The following POU2F2 variants were observed in gnomAD, a reference collection of about 807,000 sequenced individuals.
POU2F2 encodes POU domain, class 2, transcription factor 2.
POU2F2 carries 14 observed loss-of-function variants against 63.5 expected under a neutral mutation model. The ratio of observed to expected loss-of-function variants is 0.22; its 90% CI spans 0.15 to 0.34. The LOEUF (loss-of-function observed/expected upper bound fraction) is 0.34, where lower values mean the gene tolerates loss of function less well. Ranked by LOEUF, POU2F2 falls within the 10% of genes least tolerant of loss-of-function variation. The probability of loss-of-function intolerance (pLI) is 1.00; values close to 1 mark genes in which losing one functional copy is unlikely to be tolerated. For synonymous variants in POU2F2, 306 were observed against 348.6 expected (o/e 0.88, Z 1.36); for missense variants, 607 against 815.2 (o/e 0.74, Z 3.11).
At chr19:42,184,089 C>T (rs982976105) in intron 1 of POU2F2, among the ~76,000 whole-genome samples, 20 of 151,420 alleles carry the variant, frequency 1.3e-4, no homozygotes, top group African/African-American at 4.9e-4. Flanking sequence ...TCACTGCCAC[C>T]TCGACCTTCT....
intron 1 of POU2F2, among the ~76,000 whole-genome samples, chr19:42,167,407 T>C (rs1274284007): frequency 6.6e-6 from 1 of 151,688 alleles, no homozygotes; most frequent in African/African-American, 2.4e-5. Context: ...TGGGCTGAGA[T>C]TGCACCACTG....
At position 42,091,428 on chromosome 19, in the gene POU2F2, G is replaced by A. The variant is rs538494472; in HGVS notation, c.1704C>T (p.Gly568=). Residue 568 remains glycine (G), a synonymous_variant, in exon 15 of 15, where the codon GGC becomes GGT. Transcript: ENST00000692977. ...CAGCCGCAGCCGCTGCTGAGACCAG[G>A]CCCACACCAGGCGGGGTGCTGAGCA... ...LPLLSTPPGV[G]LVSAAAAAVA... is the part of the protein sequence containing the mutation. The A allele has an allele frequency of 2.6e-6, 4 of 1,550,016 alleles. No individual in the cohort carries two copies. The East Asian group carries it at 7.3e-5, about 28-fold the overall frequency.
intron 2 of POU2F2, 44 bp from the exon 3 acceptor site, chr19:42,122,422 C>T: frequency 1.9e-6 from 3 of 1,611,932 alleles, no homozygotes; most frequent in Non-Finnish European, 1.7e-6. Flanking sequence ...GCCACCCCCA[C>T]CACACCTGTC....
chr19:42,174,150 A>T lies in POU2F2; in HGVS notation c.-70+1813T>A, dbSNP rs149423889. On this transcript the variant is annotated intron_variant, in intron 1 of 6. Coordinates refer to the POU2F2 transcript ENST00000524801. ...ACCTCTGTGCACTCACACATCTCTCATCACTCTACCCAGACCCTGCTTCAC... is the reference window on the plus strand; with the variant it reads ...ACCTCTGTGCACTCACACATCTCTCTTCACTCTACCCAGACCCTGCTTCAC... 4.9e-3 allele frequency among the ~76,000 whole-genome samples: 739 copies of T among 152,202 alleles called. 6 individuals are homozygous for T. The highest frequency in any genetic ancestry group is 0.017 in the African/African-American group (703 of 41,514).
At position 42,117,163 on chromosome 19, in the gene POU2F2, T is replaced by G. The variant is rs1483063057; in HGVS notation, c.369+87A>C. 9.0e-7 allele frequency: 1 copy of G among 1,113,548 alleles called. No homozygotes were observed. The highest frequency in any genetic ancestry group is 1.6e-5 in the African/African-American group (1 of 61,234). 69.0% of individuals were successfully genotyped at this position (1,113,548 alleles called of 1,614,324 possible). On this transcript the variant is annotated intron_variant, in intron 5 of 14. Transcript: ENST00000692977. This position sits in a 1 kb window ranked among gnomAD's most constrained non-coding sequence, Gnocchi z 4.4. ...CAGGTGTGAGAGAGTGGCCATGGCC[T>G]TGGTGGAACAGTTCATCCACTAGCC...
chr19:42,090,245 C>T lies in POU2F2; in HGVS notation c.*1012G>A, dbSNP rs1238290346. 2 of 151,642 alleles carry T rather than the reference C, an allele frequency of 1.3e-5. No individual in the cohort carries two copies. Among genetic ancestry groups the T allele is most frequent in the African/African-American group, 2.4e-5 (1 of 41,054 alleles). The allele number at this position is 151,642 out of a possible 1,614,324, so 9.4% of individuals were successfully genotyped here. A position where few individuals can be genotyped will look rare whatever the true frequency, so the allele number is the denominator to read the frequency against. On this transcript the variant is annotated 3_prime_UTR_variant, in exon 15 of 15. Transcript: ENST00000692977. This position sits in a 1 kb window ranked among gnomAD's most constrained non-coding sequence, Gnocchi z 4.4. ...GGGAAACAGACAGGATGGAAAAAGA[C>T]AACTGAATGCCCTCAACTGAATGTC...
At chr19:42,105,347 T>C (rs1025970282) in intron 5 of POU2F2, among the ~76,000 whole-genome samples, 1 of 152,196 alleles carries the variant, frequency 6.6e-6, no homozygotes, top group Non-Finnish European at 1.5e-5. Context: ...ATTCTTCGTA[T>C]ATCCCTAACT....
intron 4 of POU2F2, among the ~76,000 whole-genome samples, chr19:42,121,810 G>C (rs904103077): frequency 6.6e-6 from 1 of 152,096 alleles, no homozygotes; most frequent in Admixed American, 6.5e-5. Flanking sequence ...TGTGTATATT[G>C]GGGGACAGGC....
intron 7 of POU2F2, 94 bp downstream of exon 7, chr19:42,099,433 A>G: frequency 8.9e-7 from 1 of 1,119,696 alleles, no homozygotes; most frequent in South Asian, 1.3e-5. Context: ...GTCAAATGGA[A>G]AGGAGACTCT....
intron 2 of POU2F2, among the ~76,000 whole-genome samples, chr19:42,154,967 C>A (rs557331632): frequency 6.6e-6 from 1 of 152,214 alleles, no homozygotes; most frequent in Admixed American, 6.5e-5. Flanking sequence ...AGCAGTACAT[C>A]CCTCCTTACC....
intron 5 of POU2F2, among the ~76,000 whole-genome samples, chr19:42,111,592 C>T (rs2031099793): frequency 6.6e-6 from 1 of 152,184 alleles, no homozygotes; most frequent in Admixed American, 6.5e-5. Context: ...CCTTCCAAAA[C>T]ATCCCATTCC....
chr19:42,190,547 G>A (rs2035064596), intron 1 of POU2F2, among the ~76,000 whole-genome samples: 1 of 152,064 alleles, frequency 6.6e-6, no homozygotes, highest in African/African-American at 2.4e-5. Context: ...GCTGGCAAAT[G>A]AGGCAGAAGG....
At chr19:42,111,302 A>G (rs531992047) in intron 5 of POU2F2, among the ~76,000 whole-genome samples, 1 of 151,526 alleles carries the variant, frequency 6.6e-6, no homozygotes, top group South Asian at 2.1e-4. Context: ...TTTTTTTAAG[A>G]TACAGGGTCT....
At chr19:42,141,211 ACT>A (rs1393052486) in intron 2 of POU2F2, among the ~76,000 whole-genome samples, 1 of 152,154 alleles carries the variant, frequency 6.6e-6, no homozygotes, top group Admixed American at 6.5e-5. Context: ...GTTCTTGTAG[ACT>A]CAGCACCCAG....
intron 1 of POU2F2, among the ~76,000 whole-genome samples, chr19:42,166,846 CT>C: frequency 6.6e-6 from 1 of 152,092 alleles, no homozygotes. Context: ...AAGGTGAGCT[CT>C]GCCACCCTTG....
chr19:42,143,376 A>T (rs2034167535), intron 2 of POU2F2, among the ~76,000 whole-genome samples: 1 of 152,164 alleles, frequency 6.6e-6, no homozygotes, highest in South Asian at 2.1e-4. Flanking sequence ...AATTCATTAA[A>T]CTGTACATTA....
chr19:42,195,631 CCCCTCCCTCCCTTTCTT>C (rs1218180900), intron 1 of POU2F2, among the ~76,000 whole-genome samples: 2 of 149,236 alleles, frequency 1.3e-5, no homozygotes, highest in African/African-American at 4.9e-5. Flanking sequence ...CGCGCCTGGC[CCCCTCCCTCCCTTTCTT>C]CCCTCCCTCC....
At chr19:42,179,695 A>C (rs1277632600), upstream of POU2F2, among the ~76,000 whole-genome samples, 2 of 152,084 alleles carry the variant, frequency 1.3e-5, no homozygotes, top group Non-Finnish European at 2.9e-5. Flanking sequence ...AGAATCACCA[A>C]CTGCCCACGT....
chr19:42,089,500 T>A lies in POU2F2; in HGVS notation c.*1757A>T, dbSNP rs2076647270. ...CCCTCTCTCAGCCCCGCCCACCCGCTTCCATCTGCCCTGGCCGAGGGACAG... is the reference window on the plus strand; with the variant it reads ...CCCTCTCTCAGCCCCGCCCACCCGCATCCATCTGCCCTGGCCGAGGGACAG... On this transcript the variant is annotated 3_prime_UTR_variant, in exon 15 of 15. Transcript: ENST00000692977. 1 of 150,334 alleles carries A rather than the reference T, an allele frequency of 6.7e-6. No homozygotes were observed. Among genetic ancestry groups the A allele is most frequent in the African/African-American group, 2.5e-5 (1 of 40,780 alleles). The allele number at this position is 150,334 out of a possible 1,614,324, so 9.3% of individuals were successfully genotyped here.
Sources: allele counts gnomAD v4.1 joint callset (sites outside exome capture counted in the v4.1 genomes callset), GRCh38; gene constraint gnomAD v4.1.1; non-coding constraint Gnocchi (gnomAD v3.1); transcripts MANE v1.5; gene names NCBI Gene and HGNC (gene_info 2026-07-23, HGNC 2026-07-21).